The following CNTNAP2 variants were observed in gnomAD, a reference collection of about 807,000 sequenced individuals.
CNTNAP2 encodes the protein contactin associated protein 2, also known as contactin-associated protein-like 2.
A neutral mutation model predicts 155.2 loss-of-function variants in CNTNAP2; 98 were observed. The ratio of observed to expected loss-of-function variants is 0.63; its 90% confidence interval spans 0.54 to 0.75. CNTNAP2 has a LOEUF of 0.75. CNTNAP2 is among the 30% of genes least tolerant of loss of function. CNTNAP2 has a pLI of 0.00. For missense variants in CNTNAP2, 1,727 were observed against 1,688.1 expected, an observed-to-expected ratio of 1.02 and a Z score of -0.40; for synonymous variants, 651 against 631.2, an observed-to-expected ratio of 1.03 and a Z score of -0.47.
At chr7:146,276,738 G>A (rs1409569518) in intron 1 of CNTNAP2, among the ~76,000 whole-genome samples, 5 of 152,148 alleles carry the variant, frequency 3.3e-5, no homozygotes, top group Admixed American at 1.3e-4. Context: ...ATGGACTGAG[G>A]TGAAAGAGTA....
intron 1 of CNTNAP2, among the ~76,000 whole-genome samples, chr7:146,502,224 AATATATATAT>A (rs59759183): frequency 0.036 from 3,379 of 94,754 alleles, 82 homozygotes; most frequent in South Asian, 0.075. Flanking sequence ...TATATATATG[AATATATATAT>A]ATATATATAT....
Position 147,108,385 on chromosome 7 carries a change from A to T in CNTNAP2, c.754+35A>T, listed in dbSNP as rs774630065. On this transcript the variant is annotated intron_variant, in intron 5 of 23. Coordinates refer to ENST00000361727, the MANE Select transcript of CNTNAP2 (RefSeq NM_014141.6). ...GACTGTCAGTTCTATTCTTTCCGTTATGGATGTTCCCATTAGGAATATGTT... is the reference window on the plus strand; with the variant it reads ...GACTGTCAGTTCTATTCTTTCCGTTTTGGATGTTCCCATTAGGAATATGTT... 3 of 1,548,986 alleles carry T rather than the reference A, an allele frequency of 1.9e-6. No homozygotes were observed. In the East Asian group the frequency reaches 6.8e-5, roughly 35 times the overall value.
intron 1 of CNTNAP2, among the ~76,000 whole-genome samples, chr7:146,652,903 A>G (rs1163157582): frequency 6.6e-6 from 1 of 152,140 alleles, no homozygotes; most frequent in African/African-American, 2.4e-5. Context: ...TTATGTTGTC[A>G]CTATCTTGCT....
intron 8 of CNTNAP2, among the ~76,000 whole-genome samples, chr7:147,251,361 T>C (rs1804193363): frequency 6.6e-6 from 1 of 152,218 alleles, no homozygotes; most frequent in Non-Finnish European, 1.5e-5. Flanking sequence ...AACTGGTTTG[T>C]TAACCCTTTT....
intron 13 of CNTNAP2, among the ~76,000 whole-genome samples, chr7:147,901,554 C>A (rs897305779): frequency 2.6e-5 from 4 of 152,184 alleles, no homozygotes; most frequent in Admixed American, 6.5e-5. Context: ...TAGTCCTATA[C>A]ATATTTTCCA....
At chr7:148,335,790 T>C (rs1798105628) in intron 21 of CNTNAP2, among the ~76,000 whole-genome samples, 1 of 152,260 alleles carries the variant, frequency 6.6e-6, no homozygotes, top group Non-Finnish European at 1.5e-5. Flanking sequence ...TAGATTTTTA[T>C]TTACTTAACA....
chr7:147,605,915 C>CTGTGTGTGTG (rs144478388), intron 12 of CNTNAP2, among the ~76,000 whole-genome samples: 8 of 151,036 alleles, frequency 5.3e-5, no homozygotes, highest in African/African-American at 1.9e-4. Context: ...TTCTCTCTCT[C>CTGTGTGTGTG]TGTGTGTGTG....
At chr7:147,543,849 G>A (rs946889472) in intron 11 of CNTNAP2, among the ~76,000 whole-genome samples, 1 of 152,052 alleles carries the variant, frequency 6.6e-6, no homozygotes, top group African/African-American at 2.4e-5. Flanking sequence ...TTTTTATAAT[G>A]GAAACTAATT....
intron 1 of CNTNAP2, among the ~76,000 whole-genome samples, chr7:146,212,457 C>A (rs555522549): frequency 1.3e-5 from 2 of 152,108 alleles, no homozygotes; most frequent in Non-Finnish European, 2.9e-5. Flanking sequence ...TGTACCCTAC[C>A]TTTAATCATC....
chr7:147,798,435 A>G (rs76201006), intron 13 of CNTNAP2, among the ~76,000 whole-genome samples: 5,015 of 152,316 alleles, frequency 0.033, 142 homozygotes, highest in Non-Finnish European at 0.052. Context: ...TTCAGAGGTA[A>G]GTTTACTCCA....
intron 13 of CNTNAP2, among the ~76,000 whole-genome samples, chr7:147,807,491 T>C (rs1157612593): frequency 6.6e-6 from 1 of 152,088 alleles, no homozygotes; most frequent in Non-Finnish European, 1.5e-5. Context: ...TATGTACCCA[T>C]AGAAATTAAA....
intron 21 of CNTNAP2, among the ~76,000 whole-genome samples, chr7:148,325,200 A>T (rs1797866356): frequency 6.6e-6 from 1 of 152,232 alleles, no homozygotes; most frequent in African/African-American, 2.4e-5. Flanking sequence ...AGTAATATAG[A>T]ATCTCCTTAA....
intron 1 of CNTNAP2, among the ~76,000 whole-genome samples, chr7:146,577,470 G>A (rs1190405063): frequency 1.3e-5 from 2 of 151,998 alleles, no homozygotes; most frequent in East Asian, 3.9e-4. Context: ...TAATTATCAA[G>A]AATCCAACAT....
At chr7:147,869,329 G>C (rs1050427370) in intron 13 of CNTNAP2, among the ~76,000 whole-genome samples, 2 of 152,226 alleles carry the variant, frequency 1.3e-5, no homozygotes, top group African/African-American at 2.4e-5. Context: ...TAGGATGATA[G>C]TGTATAGTTT....
chr7:147,072,027 C>T (rs1299307170), intron 4 of CNTNAP2, among the ~76,000 whole-genome samples: 1 of 152,028 alleles, frequency 6.6e-6, no homozygotes, highest in Non-Finnish European at 1.5e-5. Context: ...CTGTACTCAT[C>T]CTGGAGGATG....
At chr7:147,065,668 T>C (rs1015429665) in intron 4 of CNTNAP2, among the ~76,000 whole-genome samples, 7 of 152,128 alleles carry the variant, frequency 4.6e-5, no homozygotes, top group African/African-American at 1.7e-4. Flanking sequence ...GAATTAATTA[T>C]GCTTTTTTAG....
chr7:147,427,109 T>A (rs527353353), intron 10 of CNTNAP2, among the ~76,000 whole-genome samples: 3 of 152,202 alleles, frequency 2.0e-5, no homozygotes, highest in South Asian at 4.1e-4. Flanking sequence ...CATTGCTACA[T>A]CCTTCAGAGG....
At chr7:147,671,624 A>G (rs1414434918) in intron 13 of CNTNAP2, 2 of 152,182 alleles carry the variant, frequency 1.3e-5, no homozygotes, top group South Asian at 2.1e-4. Flanking sequence ...GTTTCCATGG[A>G]ACAGCTAATA....
chr7:147,621,061 A>G (rs907018691), intron 12 of CNTNAP2, among the ~76,000 whole-genome samples: 6 of 152,322 alleles, frequency 3.9e-5, no homozygotes, highest in South Asian at 2.1e-4. Context: ...CTTACAGACC[A>G]GGAGAGAGGG....
Sources: gnomAD v4.1 joint callset for allele counts (sites outside exome capture counted in the v4.1 genomes callset) on GRCh38, gnomAD v4.1.1 for gene constraint, MANE v1.5 for transcripts, NCBI Gene and HGNC (gene_info 2026-07-23, HGNC 2026-07-21) for gene names.